OAS1: variants seen among roughly 807,000 people sequenced by gnomAD.
The protein encoded by OAS1 is 2'-5'-oligoadenylate synthetase 1.
Under a neutral mutation model 38.5 loss-of-function variants are expected in OAS1, and 24 were observed. The observed-to-expected ratio is 0.62, with a 90% confidence interval of 0.45 to 0.88. The LOEUF (loss-of-function observed/expected upper bound fraction) is 0.88, where lower values mean the gene tolerates loss of function less well. Among genes scored for constraint, OAS1 ranks in the 40% least tolerant of loss-of-function variants. The pLI is 0.00. For synonymous variants in OAS1, 169 were observed against 193.9 expected (o/e 0.87, Z 1.07); for missense variants, 482 against 493.9 (o/e 0.98, Z 0.23).
intron 6 of OAS1, among the ~76,000 whole-genome samples, chr12:112,926,265 A>T (rs2043557341): frequency 6.6e-6 from 1 of 152,158 alleles, no homozygotes; most frequent in Non-Finnish European, 1.5e-5. Flanking sequence ...GCAATTACAG[A>T]GGCATGAACA....
At position 112,916,561 on chromosome 12, in the gene OAS1, C is replaced by T. The variant is rs926919343; in HGVS notation, c.707C>T (p.Thr236Met). The T allele has an allele frequency of 3.3e-5, 54 of 1,613,998 alleles. No homozygotes were observed. The highest frequency in any genetic ancestry group is 4.0e-5 in the Non-Finnish European group (47 of 1,180,032). ...CCTCAGTATGCCCTGGAGCTCCTGA[C>T]GGTCTATGCTTGGGAGCGAGGGAGC... ...LPPQYALELL[T>M]VYAWERGSMK... is the part of the protein sequence containing the mutation. Residue 236 changes from threonine to methionine, a missense_variant, in exon 4 of 6, where the codon ACG becomes ATG. Transcript: ENST00000202917.
intron 6 of OAS1, among the ~76,000 whole-genome samples, chr12:112,928,937 TA>T (rs2043579475): frequency 6.6e-6 from 1 of 152,232 alleles, no homozygotes; most frequent in Non-Finnish European, 1.5e-5. Flanking sequence ...TTATGGATTC[TA>T]CAGCAATCCC....
At chr12:112,924,248 T>C (rs936180763), downstream of OAS1, among the ~76,000 whole-genome samples, 1 of 152,208 alleles carries the variant, frequency 6.6e-6, no homozygotes, top group Non-Finnish European at 1.5e-5. Context: ...ATTTTTTGTG[T>C]CCTTGAGTTA....
downstream of OAS1, among the ~76,000 whole-genome samples, chr12:112,923,675 C>T (rs1286407107): frequency 3.9e-5 from 6 of 152,116 alleles, no homozygotes; most frequent in South Asian, 2.1e-4. Context: ...CTTTTCAGCC[C>T]GTTGATTGTT....
At chr12:112,925,794 GTAAA>G (rs1351814374) in intron 6 of OAS1, among the ~76,000 whole-genome samples, 1 of 152,082 alleles carries the variant, frequency 6.6e-6, no homozygotes, top group African/African-American at 2.4e-5. Context: ...TCAGAAATAA[GTAAA>G]TAAATAAATA....
chr12:112,919,640 C>A lies in OAS1; in HGVS notation c.*87C>A. ...GGTGGGACTCTTGATCCAGAGAGGACAAAGCTCCTCAGTGAGCTGGTGTAT... is the reference window on the plus strand; with the variant it reads ...GGTGGGACTCTTGATCCAGAGAGGAAAAAGCTCCTCAGTGAGCTGGTGTAT... On this transcript the variant is annotated 3_prime_UTR_variant, in exon 6 of 6. Coordinates refer to ENST00000202917, the MANE Select transcript of OAS1 (RefSeq NM_016816.4). The A allele has an allele frequency of 2.5e-6, 4 of 1,604,504 alleles. No individual in the cohort carries two copies. Among genetic ancestry groups the A allele is most frequent in the South Asian group, 1.1e-5 (1 of 89,870 alleles).
At position 112,907,122 on chromosome 12, in the gene OAS1, T is replaced by G; in HGVS notation, c.83T>G (p.Met28Arg). ...DYLLPDTCFRMQINHAIDIIC... is the reference protein window; with the variant it reads ...DYLLPDTCFRRQINHAIDIIC... ...CTCTTGCCAGACACGTGTTTCCGCA[T>G]GCAAATCAACCATGCCATTGACATC... is the stretch of plus-strand genomic sequence containing the variant. Residue 28 changes from methionine (M) to arginine (R), a missense_variant, in exon 1 of 6, where the codon ATG (methionine) becomes AGG (arginine). Physicochemically the swap from Met to Arg is moderately conservative, Grantham distance 91. Coordinates refer to ENST00000202917, the MANE Select transcript of OAS1 (RefSeq NM_016816.4). 1 of 1,614,226 alleles carries G rather than the reference T, an allele frequency of 6.2e-7. No individual in the cohort carries two copies. The highest frequency in any genetic ancestry group is 8.5e-7 in the Non-Finnish European group (1 of 1,180,048).
downstream of OAS1, among the ~76,000 whole-genome samples, chr12:112,924,076 G>T (rs2043545706): frequency 6.6e-6 from 1 of 152,188 alleles, no homozygotes. Flanking sequence ...GTGAGGAAGG[G>T]GTTCAGTTCC....
At chr12:112,922,442 C>G (rs2043536295), downstream of OAS1, among the ~76,000 whole-genome samples, 1 of 152,198 alleles carries the variant, frequency 6.6e-6, no homozygotes, top group Non-Finnish European at 1.5e-5. Context: ...ATTGTGTTAA[C>G]CAGGTCCCTA....
chr12:112,919,975 T>C (rs2043519177), downstream of OAS1: 1 of 361,224 alleles, frequency 2.8e-6, no homozygotes, highest in Non-Finnish European at 5.0e-6. Context: ...GTATTGTGTG[T>C]GTATATACAT....
chr12:112,930,162 A>C (rs1171085942), intron 6 of OAS1, among the ~76,000 whole-genome samples: 2 of 152,118 alleles, frequency 1.3e-5, no homozygotes, highest in Non-Finnish European at 2.9e-5. Context: ...TGCTTTCGCC[A>C]CATGATATGC....
downstream of OAS1, among the ~76,000 whole-genome samples, chr12:112,923,353 C>T (rs10774673): frequency 0.75 from 114,438 of 152,068 alleles, 44,287 homozygotes; most frequent in African/African-American, 0.94. Flanking sequence ...CCCATCCCTC[C>T]ACATCCTCAC....
Position 112,907,223 on chromosome 12 carries a change from A to G in OAS1, c.180+4A>G. 1 of 1,613,106 alleles carries G rather than the reference A, an allele frequency of 6.2e-7. No individual in the cohort carries two copies. The highest frequency in any genetic ancestry group is 8.5e-7 in the Non-Finnish European group (1 of 1,179,112). The stretch of plus-strand genomic sequence containing the variant: ...GTGTGTGTCCAAGGTGGTAAAGGTG[A>G]GTCCAGGCCTGCCTGGCCAGGGGAG... On this transcript the variant is annotated splice_donor_region_variant and intron_variant, in intron 1 of 5. Transcript: ENST00000202917.
In OAS1 at chr12:112,917,425, C is replaced by T. The variant is rs1468231361; in HGVS notation, c.885-122C>T. The T allele has an allele frequency of 3.0e-6, 4 of 1,327,124 alleles. No homozygotes were observed. The African/African-American group carries it at 4.4e-5, about 15-fold the overall frequency. The allele number at this position is 1,327,124 out of a possible 1,614,324, so 82.2% of individuals were successfully genotyped here. On this transcript the variant is annotated intron_variant, in intron 4 of 5. Transcript: ENST00000202917. ...GCACTGGGGACATACCCCAGGGAGC[C>T]CTTCCTCATGTTCTGAGTCCCAGTT...
chr12:112,909,137 T>C (rs1052705807), intron 2 of OAS1: 7 of 408,890 alleles, frequency 1.7e-5, no homozygotes, highest in African/African-American at 1.4e-4. Context: ...TTAAAGTTCA[T>C]GTTACTCTCA....
intron 3 of OAS1, among the ~76,000 whole-genome samples, 159 bp downstream of exon 3, chr12:112,911,394 G>A (rs1640080828): frequency 6.6e-6 from 1 of 152,024 alleles, no homozygotes; most frequent in South Asian, 2.1e-4. Flanking sequence ...GAGGTGGAGA[G>A]AGGAGCCTGC....
chr12:112,916,901 A>T (rs2043468530), intron 4 of OAS1, 163 bp downstream of exon 4: 1 of 621,356 alleles, frequency 1.6e-6, no homozygotes, highest in Non-Finnish European at 2.9e-6. Context: ...TGTTTTAAAC[A>T]CCTACCTCCA....
At chr12:112,914,248 C>A (rs547792976) in intron 3 of OAS1, among the ~76,000 whole-genome samples, 5 of 152,154 alleles carry the variant, frequency 3.3e-5, no homozygotes, top group Non-Finnish European at 5.9e-5. Flanking sequence ...ATCCAGGTTG[C>A]TGTGAATGCC....
At chr12:112,916,840 T>A in intron 4 of OAS1, 102 bp downstream of exon 4, 1 of 853,500 alleles carries the variant, frequency 1.2e-6, no homozygotes. Flanking sequence ...CCCCACTTAG[T>A]GAGAATCTCC....
Sources: gnomAD v4.1 joint callset for allele counts (sites outside exome capture counted in the v4.1 genomes callset) on GRCh38, gnomAD v4.1.1 for gene constraint, MANE v1.5 for transcripts, NCBI Gene and HGNC (gene_info 2026-07-23, HGNC 2026-07-21) for gene names.